Variants in IPO11 observed in about 807,000 individuals in gnomAD.
IPO11 encodes the protein importin 11.
In IPO11, 66 loss-of-function variants were observed where a neutral mutation model predicts 143.2. The observed-to-expected ratio is 0.46, with a 90% confidence interval of 0.38 to 0.57. The LOEUF is 0.57. Among genes scored for constraint, IPO11 ranks in the 20% least tolerant of loss-of-function variants. IPO11 has a pLI of 0.00. For missense variants in IPO11, 1,026 were observed against 1,141.0 expected (o/e 0.90, Z 1.45); for synonymous variants, 385 against 377.8 (o/e 1.02, Z -0.22).
intron 1 of IPO11, chr5:62,418,968 G>C (rs746892266): frequency 1.1e-4 from 168 of 1,534,162 alleles, no homozygotes; most frequent in Non-Finnish European, 1.4e-4. Flanking sequence ...GAAATGGGTC[G>C]TTAGGCAATT....
At chr5:62,487,649 T>A in intron 12 of IPO11, 122 bp from the exon 13 acceptor site, 3 of 1,037,678 alleles carry the variant, frequency 2.9e-6, no homozygotes, top group Non-Finnish European at 3.7e-6. Flanking sequence ...TTTTAACAAA[T>A]CAAAAGTTGG....
chr5:62,567,263 C>T (rs980211399), intron 27 of IPO11, among the ~76,000 whole-genome samples: 1 of 152,072 alleles, frequency 6.6e-6, no homozygotes, highest in African/African-American at 2.4e-5. Context: ...GGAAGATTTT[C>T]ACTGAAAAGT....
rs142391584 is a variant in IPO11, at chr5:62,425,203, C to T, written c.-6-12071C>T. ...CAGATGGTTGTCTTGCTCAGATGGT[C>T]ATTGAGAATTCTAAAGTTCCTCGCT... On this transcript the variant is annotated intron_variant, in intron 1 of 29. Transcript: ENST00000325324. Among the ~76,000 whole-genome samples, 4 of 152,316 alleles carry T rather than the reference C, an allele frequency of 2.6e-5. No individual in the cohort carries two copies. In the East Asian group the frequency reaches 7.7e-4, roughly 29 times the overall value.
Position 62,537,274 on chromosome 5 carries a change from A to C in IPO11, c.2235A>C (p.Gln745His). 6.3e-7 allele frequency: 1 copy of C among 1,593,824 alleles called. No individual in the cohort carries two copies. Among genetic ancestry groups the C allele is most frequent in the Non-Finnish European group, 8.6e-7 (1 of 1,162,684 alleles). ...ELLKEITTEGQVQVLKVVENA... is the reference protein window; with the variant it reads ...ELLKEITTEGHVQVLKVVENA... ...TAAAGGAAATTACTACAGAAGGTCA[A>C]GTTCAGGTGCTCAAGGTATTGTGAT... The change falls in exon 24 of 30, where the codon CAA becomes CAC. Residue 745 changes from glutamine to histidine, a missense_variant. Around this residue, in one of 5 missense-constraint regions of IPO11, gnomAD observed 351 missense variants for 358.9 expected, o/e 0.98. Coordinates refer to ENST00000325324, the MANE Select transcript of IPO11 (RefSeq NM_016338.5).
intron 29 of IPO11, among the ~76,000 whole-genome samples, chr5:62,624,557 C>G (rs1423295047): frequency 6.6e-6 from 1 of 152,150 alleles, no homozygotes; most frequent in Non-Finnish European, 1.5e-5. Flanking sequence ...TTACCGCAAC[C>G]TATCTTATCA....
chr5:62,546,862 A>T (rs528840666), intron 24 of IPO11, among the ~76,000 whole-genome samples: 1 of 152,296 alleles, frequency 6.6e-6, no homozygotes, highest in Admixed American at 6.5e-5. Context: ...TCTGTTTAAA[A>T]AGTAGAAGGC....
intron 21 of IPO11, chr5:62,526,480 A>G (rs891035760): frequency 1.5e-5 from 5 of 342,888 alleles, no homozygotes; most frequent in African/African-American, 8.5e-5. Flanking sequence ...ACTCAGCTGC[A>G]TTTCATCTTT....
At chr5:62,413,288 G>A (rs530184145) in intron 1 of IPO11, 1 of 152,362 alleles carries the variant, frequency 6.6e-6, no homozygotes, top group South Asian at 2.1e-4. Flanking sequence ...AGATAAAGTG[G>A]TTATCTCGAG....
intron 5 of IPO11, among the ~76,000 whole-genome samples, chr5:62,453,519 A>G (rs1268028055): frequency 6.9e-6 from 1 of 144,596 alleles, no homozygotes; most frequent in Non-Finnish European, 1.5e-5. Context: ...TTCTTTCACA[A>G]AGAATTGGCC....
chr5:62,576,930 G>A (rs1468466666), intron 27 of IPO11, among the ~76,000 whole-genome samples: 1 of 152,204 alleles, frequency 6.6e-6, no homozygotes, highest in East Asian at 1.9e-4. Context: ...AGCATGAGAT[G>A]ATTTGAAGAC....
At chr5:62,513,020 A>G (rs1222744444) in intron 19 of IPO11, among the ~76,000 whole-genome samples, 4 of 149,978 alleles carry the variant, frequency 2.7e-5, no homozygotes, top group South Asian at 4.3e-4. Flanking sequence ...TGATTTCTCA[A>G]TCTTTTCCCC....
chr5:62,430,680 ATT>A (rs112091773), intron 1 of IPO11, among the ~76,000 whole-genome samples: 10 of 140,734 alleles, frequency 7.1e-5, no homozygotes, highest in Admixed American at 7.2e-5. Context: ...TAATTACTTA[ATT>A]TTTTTTTTTT....
At chr5:62,606,727 C>T (rs774344414) in intron 29 of IPO11, among the ~76,000 whole-genome samples, 1 of 152,144 alleles carries the variant, frequency 6.6e-6, no homozygotes, top group African/African-American at 2.4e-5. Context: ...GTCCCATCTG[C>T]TGCATTATCA....
At chr5:62,625,377 A>G (rs1746528350) in intron 29 of IPO11, among the ~76,000 whole-genome samples, 1 of 152,206 alleles carries the variant, frequency 6.6e-6, no homozygotes, top group Non-Finnish European at 1.5e-5. Context: ...TCTTAGAGTA[A>G]TAATTTTAAA....
At chr5:62,493,860 C>T in intron 15 of IPO11, 138 bp from the exon 16 acceptor site, 1 of 794,834 alleles carries the variant, frequency 1.3e-6, no homozygotes, top group Non-Finnish European at 1.9e-6. Flanking sequence ...TGAGCCAGCA[C>T]ACCTGCTTTT....
chr5:62,622,167 G>A (rs115530602), intron 29 of IPO11, among the ~76,000 whole-genome samples: 2 of 152,166 alleles, frequency 1.3e-5, no homozygotes, highest in African/African-American at 2.4e-5. Flanking sequence ...GCCTCAAAAC[G>A]CTTGGCCCAC....
chr5:62,510,188 G>C (rs377148701), intron 19 of IPO11, among the ~76,000 whole-genome samples: 5 of 152,194 alleles, frequency 3.3e-5, no homozygotes, highest in African/African-American at 1.2e-4. Context: ...TTTTTAAAAT[G>C]TTATGCCAAT....
intron 29 of IPO11, among the ~76,000 whole-genome samples, chr5:62,615,542 A>G (rs1032416431): frequency 6.6e-6 from 1 of 152,202 alleles, no homozygotes; most frequent in Admixed American, 6.5e-5. Flanking sequence ...AGGGATGTGC[A>G]TGTCCTAATC....
At chr5:62,484,683 T>C (rs192034690) in intron 11 of IPO11, among the ~76,000 whole-genome samples, 7 of 152,114 alleles carry the variant, frequency 4.6e-5, no homozygotes, top group Admixed American at 3.3e-4. Context: ...AAGTACTTAC[T>C]TGTATGTGAA....
Sources: gnomAD v4.1 joint callset for allele counts (sites outside exome capture counted in the v4.1 genomes callset) on GRCh38, gnomAD v4.1.1 for gene constraint, gnomAD v4.1.1 regional missense constraint, MANE v1.5 for transcripts, NCBI Gene and HGNC (gene_info 2026-07-23, HGNC 2026-07-21) for gene names.